DNAH14: variants seen among roughly 807,000 people sequenced by gnomAD.
The protein encoded by DNAH14 is dynein axonemal heavy chain 14.
Under a neutral mutation model 520.9 loss-of-function variants are expected in DNAH14, and 478 were observed. That is an observed-to-expected ratio of 0.92 (90% CI 0.85 to 0.99). The LOEUF (loss-of-function observed/expected upper bound fraction) is 0.99, where lower values mean the gene tolerates loss of function less well. Ranked by LOEUF, DNAH14 falls within the 50% of genes least tolerant of loss-of-function variation. The pLI is 0.00. For synonymous variants in DNAH14, 1,581 were observed against 1,757.2 expected (o/e 0.90, Z 2.51); for missense variants, 4,831 against 5,234.5 (o/e 0.92, Z 2.38).
chr1:225,326,412 C>T (rs1040105867), intron 64 of DNAH14, among the ~76,000 whole-genome samples: 9 of 152,084 alleles, frequency 5.9e-5, no homozygotes, highest in African/African-American at 2.2e-4. Flanking sequence ...ATTTGTCGTG[C>T]GGGTAGAAGC....
At chr1:225,354,780 A>C (rs759898415) in intron 73 of DNAH14, among the ~76,000 whole-genome samples, 12 of 152,168 alleles carry the variant, frequency 7.9e-5, no homozygotes, top group Non-Finnish European at 1.6e-4. Context: ...AAAATCTCTC[A>C]TCTCATTTAA....
At chr1:225,002,670 G>A in intron 8 of DNAH14, 113 bp from the exon 9 acceptor site, 1 of 987,900 alleles carries the variant, frequency 1.0e-6, no homozygotes, top group Non-Finnish European at 1.5e-6. Flanking sequence ...AAATGGGGTA[G>A]ATGTAAAACA....
chr1:225,008,297 G>C (rs1337649244), intron 10 of DNAH14, among the ~76,000 whole-genome samples: 2 of 152,082 alleles, frequency 1.3e-5, no homozygotes, highest in African/African-American at 4.8e-5. Context: ...GTGTATATGT[G>C]CCACATTTTC....
intron 8 of DNAH14, among the ~76,000 whole-genome samples, chr1:224,996,394 C>G (rs1001464438): frequency 3.9e-5 from 6 of 152,050 alleles, no homozygotes; most frequent in Non-Finnish European, 1.5e-5. Flanking sequence ...CTCCTGGGCT[C>G]AAGTGATCTA....
intron 27 of DNAH14, among the ~76,000 whole-genome samples, chr1:225,140,447 C>T (rs775007976): frequency 6.6e-6 from 1 of 152,160 alleles, no homozygotes; most frequent in East Asian, 1.9e-4. Flanking sequence ...GCAGAGAAAG[C>T]AGCACTAATA....
Position 225,153,798 on chromosome 1 carries a change from G to A in DNAH14, c.5245G>A (p.Ala1749Thr), listed in dbSNP as rs1178122544. 6.5e-7 allele frequency: 1 copy of A among 1,549,688 alleles called. No individual in the cohort carries two copies. Among genetic ancestry groups the A allele is most frequent in the Admixed American group, 2.0e-5 (1 of 50,898 alleles). The stretch of plus-strand genomic sequence containing the variant: ...ATCTCTGAAGATAGTTTTAATAATG[G>A]CTGGAACGAAGAAACGGGAGTTTAA... ...LRSLKIVLIM[A>T]GTKKREFKCD... Residue 1749 changes from alanine to threonine, a missense_variant, in exon 34 of 86, where the codon GCT becomes ACT. Coordinates refer to ENST00000682510, the MANE Select transcript of DNAH14 (RefSeq NM_001367479.1).
chr1:225,061,945 G>A (rs1163170130), intron 17 of DNAH14, among the ~76,000 whole-genome samples: 1 of 152,162 alleles, frequency 6.6e-6, no homozygotes, highest in Non-Finnish European at 1.5e-5. Flanking sequence ...ATCTAGCCAT[G>A]ATGGAGAAAC....
At chr1:225,145,465 ATATT>A (rs1256325585) in intron 30 of DNAH14, 86 bp downstream of exon 30, 8 of 1,123,154 alleles carry the variant, frequency 7.1e-6, no homozygotes, top group Non-Finnish European at 9.9e-6. Context: ...AACAAGAAAA[ATATT>A]TATCTGAGAC....
At chr1:225,272,212 A>T (rs2093334215) in intron 51 of DNAH14, 139 bp downstream of exon 51, 3 of 757,644 alleles carry the variant, frequency 4.0e-6, no homozygotes, top group East Asian at 5.6e-5. Context: ...TTATCTCATG[A>T]GTTAGTTGAA....
At chr1:225,153,896 C>T (rs553615473) in intron 34 of DNAH14, 70 bp downstream of exon 34, 229 of 1,220,614 alleles carry the variant, frequency 1.9e-4, no homozygotes, top group Admixed American at 6.4e-4. Context: ...TGTAGAATTA[C>T]GGGTGATGAT....
chr1:225,158,339 G>C (rs541438870), intron 34 of DNAH14, among the ~76,000 whole-genome samples: 1 of 152,126 alleles, frequency 6.6e-6, no homozygotes, highest in Admixed American at 6.5e-5. Context: ...AAAATCCAGA[G>C]ATGGGGCAGG....
chr1:224,960,108 T>C lies in DNAH14; in HGVS notation c.218-45T>C, dbSNP rs2449317. 28,521 of 1,499,064 alleles carry C rather than the reference T, an allele frequency of 0.019. 4,119 individuals are homozygous for C. The African/African-American group carries it at 0.33, about 18-fold the overall frequency. The allele number at this position is 1,499,064 out of a possible 1,614,324, so 92.9% of individuals were successfully genotyped here. On this transcript the variant is annotated intron_variant, in intron 3 of 85. Coordinates refer to ENST00000682510, the MANE Select transcript of DNAH14 (RefSeq NM_001367479.1). ...TATGTGGAATTACTATGGTATTATT[T>C]ACAGCTCACACTAGTTATTCAGTTA...
At chr1:225,125,824 C>T (rs1231662951) in intron 27 of DNAH14, among the ~76,000 whole-genome samples, 1 of 152,170 alleles carries the variant, frequency 6.6e-6, no homozygotes, top group African/African-American at 2.4e-5. Flanking sequence ...TGGCTTTTGG[C>T]ATGCCTTCCT....
chr1:225,262,674 G>C (rs559472106), intron 46 of DNAH14, among the ~76,000 whole-genome samples: 1 of 151,970 alleles, frequency 6.6e-6, no homozygotes, highest in South Asian at 2.1e-4. Context: ...CTTTATTTCT[G>C]GGTTCTCTGT....
intron 49 of DNAH14, 131 bp downstream of exon 49, chr1:225,266,900 T>C (rs2093137616): frequency 4.0e-6 from 3 of 758,596 alleles, no homozygotes; most frequent in Non-Finnish European, 2.0e-6. Context: ...TTAAGCAAAG[T>C]TGAGACCCTA....
At chr1:225,053,862 ATATT>A (rs1389285847) in intron 17 of DNAH14, among the ~76,000 whole-genome samples, 1 of 152,216 alleles carries the variant, frequency 6.6e-6, no homozygotes, top group Non-Finnish European at 1.5e-5. Flanking sequence ...GGAAATATAT[ATATT>A]TAAATGATCA....
chr1:225,357,704 A>G, intron 73 of DNAH14: 1 of 682,162 alleles, frequency 1.5e-6, no homozygotes, highest in East Asian at 2.7e-5. Flanking sequence ...TATTGCCAAT[A>G]TTTGACAGTT....
chr1:225,102,451 C>G (rs1644209033), intron 23 of DNAH14, among the ~76,000 whole-genome samples: 1 of 152,118 alleles, frequency 6.6e-6, no homozygotes, highest in Admixed American at 6.5e-5. Context: ...TTCTAGATCC[C>G]TGAGGAATCA....
intron 4 of DNAH14, among the ~76,000 whole-genome samples, chr1:224,963,067 T>C (rs1430950806): frequency 2.6e-5 from 4 of 152,164 alleles, no homozygotes; most frequent in Admixed American, 6.6e-5. Flanking sequence ...TGAATATTTT[T>C]CCATATGTTT....
Sources: allele counts gnomAD v4.1 joint callset (sites outside exome capture counted in the v4.1 genomes callset), GRCh38; gene constraint gnomAD v4.1.1; transcripts MANE v1.5; gene names NCBI Gene and HGNC (gene_info 2026-07-23, HGNC 2026-07-21).